The following CNBD1 variants were observed in gnomAD, a reference collection of about 807,000 sequenced individuals.
CNBD1 encodes cyclic nucleotide-binding domain-containing protein 1.
A neutral mutation model predicts 54.4 loss-of-function variants in CNBD1; 71 were observed. The observed-to-expected ratio is 1.30, with a 90% confidence interval of 1.08 to 1.59. The LOEUF (loss-of-function observed/expected upper bound fraction) is 1.59. Ranked by LOEUF, CNBD1 falls within the 40% of genes most tolerant of loss-of-function variation. The probability of loss-of-function intolerance (pLI) is 0.00; values close to 1 mark genes in which losing one functional copy is unlikely to be tolerated. For missense variants in CNBD1, 659 were observed against 518.0 expected (o/e 1.27, Z -2.64); for synonymous variants, 182 against 170.7 (o/e 1.07, Z -0.51).
At chr8:87,370,001 G>A (rs529583620) in intron 10 of CNBD1, among the ~76,000 whole-genome samples, 2 of 151,944 alleles carry the variant, frequency 1.3e-5, no homozygotes, top group Non-Finnish European at 2.9e-5. Flanking sequence ...CCCTGCAATA[G>A]TTTACTGAGA....
chr8:87,084,714 T>C (rs1337049100), intron 4 of CNBD1, among the ~76,000 whole-genome samples: 3 of 152,050 alleles, frequency 2.0e-5, no homozygotes, highest in Non-Finnish European at 4.4e-5. Flanking sequence ...TTCACTCTTG[T>C]TGCCCAGGCT....
At chr8:86,959,183 C>G (rs955828787) in intron 4 of CNBD1, among the ~76,000 whole-genome samples, 2 of 152,216 alleles carry the variant, frequency 1.3e-5, no homozygotes, top group East Asian at 1.9e-4. Context: ...GGCCTCCACT[C>G]TCTTATGGCT....
chr8:87,094,441 A>T (rs1286964625), intron 4 of CNBD1, among the ~76,000 whole-genome samples: 1 of 147,988 alleles, frequency 6.8e-6, no homozygotes. Context: ...TTTTTCTTTA[A>T]TGCTTTTTTT....
intron 3 of CNBD1, among the ~76,000 whole-genome samples, chr8:86,916,114 T>TA (rs1172070341): frequency 6.6e-6 from 1 of 152,148 alleles, no homozygotes; most frequent in African/African-American, 2.4e-5. Flanking sequence ...ATGGAGGTGT[T>TA]ACTGGTGGCA....
At chr8:87,351,654 G>C in intron 8 of CNBD1, 31 bp from the exon 9 acceptor site, 1 of 1,444,404 alleles carries the variant, frequency 6.9e-7, no homozygotes, top group Non-Finnish European at 9.1e-7. Context: ...AGACAAGAAT[G>C]TGTGAAATGA....
rs1213434447 is a variant in CNBD1, at chr8:87,259,464, T to A, written c.771+22352T>A. Among the ~76,000 whole-genome samples the A allele has an allele frequency of 4.6e-5, 7 of 152,352 alleles. No homozygotes were observed. In the South Asian group the frequency reaches 1.0e-3, roughly 23 times the overall value. Reference sequence around the variant, plus strand: ...GTTAGACCAAATGTTTTTATTTTACTAATAATCTTTAAAGCTGTTCTTATT... The same window carrying A: ...GTTAGACCAAATGTTTTTATTTTACAAATAATCTTTAAAGCTGTTCTTATT... On this transcript the variant is annotated intron_variant, in intron 6 of 10. Transcript: ENST00000518476.
intron 4 of CNBD1, among the ~76,000 whole-genome samples, chr8:87,099,048 A>AC (rs1360998419): frequency 5.3e-4 from 79 of 149,416 alleles, no homozygotes; most frequent in Non-Finnish European, 8.9e-4. Flanking sequence ...AAAAAAAAAA[A>AC]AAAAAAAAAA....
intron 2 of CNBD1, among the ~76,000 whole-genome samples, chr8:86,895,394 A>C (rs115517913): frequency 0.012 from 1,776 of 152,236 alleles, 28 homozygotes; most frequent in Middle Eastern, 0.041. Context: ...TTCAAGTTTT[A>C]GCAATTACAA....
intron 10 of CNBD1, among the ~76,000 whole-genome samples, chr8:87,361,911 A>G (rs1810531652): frequency 6.6e-6 from 1 of 151,906 alleles, no homozygotes; most frequent in Non-Finnish European, 1.5e-5. Flanking sequence ...TCAGTTTTAT[A>G]TTTACTCTGT....
chr8:87,087,692 C>T (rs1047431746), intron 4 of CNBD1, among the ~76,000 whole-genome samples: 4 of 151,720 alleles, frequency 2.6e-5, no homozygotes, highest in Admixed American at 6.6e-5. Context: ...GGTCTCGATC[C>T]CCTGACCTCG....
At chr8:87,232,164 AC>A (rs1807456357) in intron 5 of CNBD1, among the ~76,000 whole-genome samples, 1 of 152,130 alleles carries the variant, frequency 6.6e-6, no homozygotes, top group Non-Finnish European at 1.5e-5. Context: ...GAGCTTCTTT[AC>A]ACATTTTCTT....
At chr8:87,184,354 G>A (rs1445631301) in intron 4 of CNBD1, among the ~76,000 whole-genome samples, 3 of 152,134 alleles carry the variant, frequency 2.0e-5, no homozygotes, top group Admixed American at 6.5e-5. Context: ...CAGACTGACC[G>A]CATGGGAAAG....
Position 86,946,217 on chromosome 8 carries a change from A to C in CNBD1, c.431+6463A>C, listed in dbSNP as rs534785760. Among the ~76,000 whole-genome samples, 8 of 152,270 alleles carry C rather than the reference A, an allele frequency of 5.3e-5. No individual in the cohort carries two copies. The East Asian group carries it at 1.5e-3, about 29-fold the overall frequency. On this transcript the variant is annotated intron_variant, in intron 4 of 10. Transcript: ENST00000518476. ...GTGTCTCTGAATAATAATGTGTTTC[A>C]TTTTTAATATATTCAAGAAAGAATA...
At chr8:86,914,312 G>A (rs1381031596) in intron 3 of CNBD1, among the ~76,000 whole-genome samples, 2 of 152,152 alleles carry the variant, frequency 1.3e-5, no homozygotes, top group East Asian at 1.9e-4. Context: ...TTCTGCCATG[G>A]CTTCAGCCAG....
intron 8 of CNBD1, among the ~76,000 whole-genome samples, chr8:87,335,386 T>C (rs1809923241): frequency 2.0e-5 from 3 of 152,168 alleles, no homozygotes; most frequent in Admixed American, 1.3e-4. Context: ...ATCTGGGTGC[T>C]CCTGTATTGG....
At position 87,351,807 on chromosome 8, in the gene CNBD1, C is replaced by A; in HGVS notation, c.1152+13C>A. On this transcript the variant is annotated intron_variant, in intron 9 of 10. Coordinates refer to ENST00000518476, the MANE Select transcript of CNBD1 (RefSeq NM_173538.3). ...ATCAAATAAAGTGGTAAGTTTTCAA[C>A]ATGTATTCTTTTTAATCAATTAATC... 6.9e-7 allele frequency: 1 copy of A among 1,458,044 alleles called. No individual in the cohort carries two copies. Among genetic ancestry groups the A allele is most frequent in the Non-Finnish European group, 9.0e-7 (1 of 1,107,728 alleles). 90.3% of individuals were successfully genotyped at this position (1,458,044 alleles called of 1,614,324 possible). A position where few individuals can be genotyped will look rare whatever the true frequency, so the allele number is the denominator to read the frequency against.
chr8:87,201,384 A>G (rs1813858925), intron 4 of CNBD1, among the ~76,000 whole-genome samples: 1 of 152,242 alleles, frequency 6.6e-6, no homozygotes, highest in Non-Finnish European at 1.5e-5. Context: ...TAGTTAAGAC[A>G]GTCATTCATG....
intron 10 of CNBD1, among the ~76,000 whole-genome samples, chr8:87,367,812 T>A (rs1254460440): frequency 6.6e-6 from 1 of 152,022 alleles, no homozygotes; most frequent in Non-Finnish European, 1.5e-5. Context: ...CTGAATTGGG[T>A]TTGTTACTCA....
At chr8:86,967,284 C>G (rs889575248) in intron 4 of CNBD1, among the ~76,000 whole-genome samples, 2 of 152,244 alleles carry the variant, frequency 1.3e-5, no homozygotes, top group African/African-American at 4.8e-5. Context: ...ATCTTGCTTG[C>G]TGCGGGCCCT....
Sources: allele counts gnomAD v4.1 joint callset (sites outside exome capture counted in the v4.1 genomes callset), GRCh38; gene constraint gnomAD v4.1.1; transcripts MANE v1.5; gene names NCBI Gene and HGNC (gene_info 2026-07-23, HGNC 2026-07-21).